The following HPSE2 variants were observed in gnomAD, a reference collection of about 807,000 sequenced individuals.
HPSE2 encodes heparanase 2 (inactive), also known as inactive heparanase-2.
Under a neutral mutation model 60.5 loss-of-function variants are expected in HPSE2, and 38 were observed. The ratio of observed to expected loss-of-function variants is 0.63; its 90% CI spans 0.48 to 0.82. The LOEUF (loss-of-function observed/expected upper bound fraction) is 0.82, where lower values mean the gene tolerates loss of function less well. Among genes scored for constraint, HPSE2 ranks in the 40% least tolerant of loss-of-function variants. HPSE2 has a pLI of 0.00. For synonymous variants in HPSE2, 295 were observed against 293.2 expected (o/e 1.01, Z -0.06); for missense variants, 713 against 740.4 (o/e 0.96, Z 0.43).
chr10:98,528,599 A>C (rs1456135274), intron 9 of HPSE2, among the ~76,000 whole-genome samples: 1 of 152,192 alleles, frequency 6.6e-6, no homozygotes, highest in Non-Finnish European at 1.5e-5. Flanking sequence ...ACACCCAATT[A>C]GTTATAATAA....
intron 3 of HPSE2, among the ~76,000 whole-genome samples, chr10:98,984,262 C>T (rs1415939866): frequency 6.6e-6 from 1 of 152,150 alleles, no homozygotes; most frequent in Non-Finnish European, 1.5e-5. Flanking sequence ...AGACTGACAC[C>T]TCACACGGCC....
chr10:98,625,004 C>A (rs1275946176), intron 7 of HPSE2, among the ~76,000 whole-genome samples: 1 of 152,244 alleles, frequency 6.6e-6, no homozygotes, highest in East Asian at 1.9e-4. Context: ...AAACCTTGAA[C>A]CATTAGCTCT....
chr10:98,889,364 C>CT (rs71009714), intron 3 of HPSE2, among the ~76,000 whole-genome samples: 6,886 of 141,038 alleles, frequency 0.049, 231 homozygotes, highest in Admixed American at 0.077. Context: ...TCTCTCTTTT[C>CT]TTTTTTTTTT....
chr10:99,305,979 G>GCGCGCGCACACACA, the HPSE2 span, among the ~76,000 whole-genome samples: 61 of 80,574 alleles, frequency 7.6e-4, 1 homozygote, highest in East Asian at 1.5e-3. Context: ...GCGCGCGCGC[G>GCGCGCGCACACACA]CACACACACA....
At chr10:98,465,675 G>A (rs1940497054) in intron 11 of HPSE2, among the ~76,000 whole-genome samples, 1 of 152,086 alleles carries the variant, frequency 6.6e-6, no homozygotes, top group Admixed American at 6.5e-5. Context: ...GTGTTCACCA[G>A]GATTATGTTT....
intron 9 of HPSE2, among the ~76,000 whole-genome samples, chr10:98,535,977 A>C (rs867605623): frequency 7.9e-5 from 12 of 151,620 alleles, no homozygotes; most frequent in Middle Eastern, 3.5e-3. Context: ...CCAAGTTGAC[A>C]CAGCTCTCTT....
intron 9 of HPSE2, among the ~76,000 whole-genome samples, chr10:98,579,987 G>A (rs780915971): frequency 2.0e-5 from 3 of 152,130 alleles, no homozygotes; most frequent in Non-Finnish European, 4.4e-5. Flanking sequence ...GTGATTTGTG[G>A]ACTTTCATGT....
In HPSE2 at chr10:99,227,875, G is replaced by A. The variant is rs867139916; in HGVS notation, c.448+4473C>T. Among the ~76,000 whole-genome samples, 925 of 135,364 alleles carry A rather than the reference G, an allele frequency of 6.8e-3. 4 individuals carry two copies. Among genetic ancestry groups the A allele is most frequent in the African/African-American group, 0.013 (431 of 32,156 alleles). The allele number at this position is 135,364 out of a possible 152,430, so 88.8% of individuals were successfully genotyped here. On this transcript the variant is annotated intron_variant, in intron 2 of 11. Transcript: ENST00000370552. ...TAAAGTTGAATGTGTATATATGTGT[G>A]TGTGTGTGTGTGTGTGTGTATATAC...
At chr10:99,022,910 A>G (rs1957295049) in intron 3 of HPSE2, among the ~76,000 whole-genome samples, 1 of 152,108 alleles carries the variant, frequency 6.6e-6, no homozygotes, top group Non-Finnish European at 1.5e-5. Context: ...GGTAAGATGT[A>G]CCACATTACC....
At chr10:99,249,327 C>A in the HPSE2 span, among the ~76,000 whole-genome samples, 2 of 152,290 alleles carry the variant, frequency 1.3e-5, no homozygotes, top group African/African-American at 4.8e-5. Context: ...ATCAGTGTGC[C>A]CTGAATATGA....
intron 9 of HPSE2, among the ~76,000 whole-genome samples, chr10:98,549,069 G>A (rs915258639): frequency 2.0e-5 from 3 of 152,098 alleles, no homozygotes; most frequent in African/African-American, 7.2e-5. Flanking sequence ...CTCACGTTAA[G>A]GTTCCATTCC....
chr10:99,105,747 T>C (rs1844220463), intron 3 of HPSE2, among the ~76,000 whole-genome samples: 1 of 152,142 alleles, frequency 6.6e-6, no homozygotes, highest in Non-Finnish European at 1.5e-5. Context: ...AGAAGATTTA[T>C]AGTTTTACCT....
chr10:98,722,068 C>T (rs941786931), intron 4 of HPSE2, among the ~76,000 whole-genome samples: 2 of 151,280 alleles, frequency 1.3e-5, no homozygotes, highest in African/African-American at 4.9e-5. Flanking sequence ...ACACCGGAGA[C>T]CATACAGATT....
At chr10:98,921,727 A>C (rs1954287587) in intron 3 of HPSE2, among the ~76,000 whole-genome samples, 1 of 152,196 alleles carries the variant, frequency 6.6e-6, no homozygotes, top group Non-Finnish European at 1.5e-5. Flanking sequence ...CCAGCAGCTG[A>C]GGCCAGTGCT....
intron 9 of HPSE2, among the ~76,000 whole-genome samples, chr10:98,564,035 G>A (rs770256042): frequency 6.6e-6 from 1 of 152,198 alleles, no homozygotes; most frequent in Non-Finnish European, 1.5e-5. Context: ...AGTTCAATAA[G>A]TGCTATTTTC....
At chr10:98,523,109 TTTTGTTTGTTTG>T (rs148284297) in intron 9 of HPSE2, among the ~76,000 whole-genome samples, 17 of 151,566 alleles carry the variant, frequency 1.1e-4, no homozygotes, top group Non-Finnish European at 4.4e-5. Flanking sequence ...TTTTGTTTTG[TTTTGTTTGTTTG>T]TTTGTTTGTT....
chr10:99,235,071 ACT>A (rs1246234157), intron 1 of HPSE2, among the ~76,000 whole-genome samples: 2 of 33,670 alleles, frequency 5.9e-5, no homozygotes, highest in Non-Finnish European at 1.2e-4. Context: ...CCGCTTGAAC[ACT>A]CACACACACA....
intron 6 of HPSE2, among the ~76,000 whole-genome samples, chr10:98,648,465 C>A (rs1457011672): frequency 6.6e-6 from 1 of 152,084 alleles, no homozygotes; most frequent in Non-Finnish European, 1.5e-5. Flanking sequence ...GTGGGGCCCT[C>A]TTTAAGAGGA....
intron 3 of HPSE2, among the ~76,000 whole-genome samples, chr10:98,816,792 C>G (rs754066211): frequency 6.6e-6 from 1 of 152,176 alleles, no homozygotes; most frequent in African/African-American, 2.4e-5. Context: ...TCAGGGCTGT[C>G]CTGAGGTAGT....
Sources: allele counts gnomAD v4.1 joint callset (sites outside exome capture counted in the v4.1 genomes callset), GRCh38; gene constraint gnomAD v4.1.1; transcripts MANE v1.5; gene names NCBI Gene and HGNC (gene_info 2026-07-23, HGNC 2026-07-21).